NBPF15: variants seen among roughly 807,000 people sequenced by gnomAD.
NBPF15 encodes NBPF member 15.
Under a neutral mutation model 62.2 loss-of-function variants are expected in NBPF15, and 74 were observed. The observed-to-expected ratio is 1.19, with a 90% CI of 0.99 to 1.44. The LOEUF is 1.44. Among genes scored for constraint, NBPF15 ranks in the 40% most tolerant of loss-of-function variants. The pLI is 0.00. For missense variants in NBPF15, 790 were observed against 550.0 expected, an observed-to-expected ratio of 1.44 and a Z score of -4.36; for synonymous variants, 244 against 209.7, an observed-to-expected ratio of 1.16 and a Z score of -1.41.
chr1:144,423,662 T>C (rs1420975292), intron 21 of NBPF15, among the ~76,000 whole-genome samples: 5 of 151,962 alleles, frequency 3.3e-5, no homozygotes, highest in African/African-American at 1.2e-4. Context: ...GCTTTTGAAG[T>C]ATGGTCAACC....
At chr1:144,458,484 T>C (rs1649872523) in intron 3 of NBPF15, among the ~76,000 whole-genome samples, 1 of 150,602 alleles carries the variant, frequency 6.6e-6, no homozygotes, top group Non-Finnish European at 1.5e-5. Flanking sequence ...ATTTATAAAT[T>C]ATCACCTATG....
At chr1:144,440,421 G>T (rs1681898736) in intron 6 of NBPF15, 126 bp from the exon 7 acceptor site, 1 of 580,644 alleles carries the variant, frequency 1.7e-6, no homozygotes. Flanking sequence ...ACCACCAATG[G>T]GGATCATTCC....
At chr1:144,444,961 G>A (rs1365873373) in intron 6 of NBPF15, among the ~76,000 whole-genome samples, 4 of 151,756 alleles carry the variant, frequency 2.6e-5, no homozygotes, top group Admixed American at 2.0e-4. Flanking sequence ...TTTCAAAGGA[G>A]CCATACCATT....
chr1:144,423,343 G>A (rs1667100109), intron 21 of NBPF15, 87 bp from the exon 22 acceptor site: 22 of 1,608,558 alleles, frequency 1.4e-5, no homozygotes, highest in Non-Finnish European at 1.8e-5. Flanking sequence ...ATATAAGGAA[G>A]TGGTTAGAAA....
chr1:144,446,023 T>C (rs1553543960), intron 6 of NBPF15, among the ~76,000 whole-genome samples: 2 of 148,790 alleles, frequency 1.3e-5, no homozygotes, highest in African/African-American at 5.0e-5. Context: ...GCCTAGCTAA[T>C]TTTTTGTATT....
chr1:144,441,201 T>G (rs1435174762), intron 6 of NBPF15, among the ~76,000 whole-genome samples: 1 of 151,796 alleles, frequency 6.6e-6, no homozygotes, highest in East Asian at 1.9e-4. Flanking sequence ...TTCCTGGGTA[T>G]CTATAGCTAG....
At chr1:144,427,439 A>G (rs1670553600) in intron 16 of NBPF15, among the ~76,000 whole-genome samples, 1 of 148,978 alleles carries the variant, frequency 6.7e-6, no homozygotes, top group Non-Finnish European at 1.5e-5. Flanking sequence ...GCCCTGTCTC[A>G]TCAAATACTC....
chr1:144,444,736 C>T (rs1481345907), intron 6 of NBPF15, among the ~76,000 whole-genome samples: 5 of 151,748 alleles, frequency 3.3e-5, no homozygotes, highest in African/African-American at 1.2e-4. Flanking sequence ...ATTTCCAGGC[C>T]GTTTCCCTGT....
chr1:144,426,224 C>T (rs1414651195), intron 18 of NBPF15, 54 bp downstream of exon 18: 27 of 581,658 alleles, frequency 4.6e-5, no homozygotes, highest in Non-Finnish European at 7.3e-5. Flanking sequence ...AGGAATATCA[C>T]CCCTATCTGG....
Position 144,438,102 on chromosome 1 carries a change from T to A in NBPF15, c.176-55A>T, listed in dbSNP as rs1679998965. 5 of 1,594,618 alleles carry A rather than the reference T, an allele frequency of 3.1e-6. No individual in the cohort carries two copies. The East Asian group carries it at 6.7e-5, about 21-fold the overall frequency. ...TGGAAGGCTGGACATGCTGCTGTGG[T>A]CATTGCCTACAGGACAGGAGCCAGG... On this transcript the variant is annotated intron_variant, in intron 8 of 21. Coordinates refer to ENST00000581897, the MANE Select transcript of NBPF15 (RefSeq NM_001385408.1).
chr1:144,437,256 G>A (rs1679206365), intron 9 of NBPF15, 147 bp from the exon 10 acceptor site: 2 of 837,464 alleles, frequency 2.4e-6, no homozygotes, highest in Admixed American at 1.9e-5. Context: ...CTGTGGCCAA[G>A]AGAAAGAATA....
chr1:144,424,551 C>T, intron 20 of NBPF15, 139 bp downstream of exon 20: 1 of 631,332 alleles, frequency 1.6e-6, no homozygotes, highest in Non-Finnish European at 2.8e-6. Flanking sequence ...ACTAGAGTTT[C>T]ATTCAACCTA....
At position 144,461,572 on chromosome 1, in the gene NBPF15, C is replaced by G. The variant is rs1389923738; in HGVS notation, c.-1129G>C. The G allele has an allele frequency of 2.0e-5, 3 of 152,978 alleles. No individual in the cohort carries two copies. The highest frequency in any genetic ancestry group is 2.9e-5 in the Non-Finnish European group (2 of 68,788). 9.5% of individuals were successfully genotyped at this position (152,978 alleles called of 1,614,324 possible). A position where few individuals can be genotyped will look rare whatever the true frequency, so the allele number is the denominator to read the frequency against. ...GCTCACGCAGCCTCGCGACCCTCAC[C>G]TACCCCTCCCGATACCGCCGCTGTC... On this transcript the variant is annotated 5_prime_UTR_variant, in exon 1 of 22. Coordinates refer to ENST00000581897, the MANE Select transcript of NBPF15 (RefSeq NM_001385408.1).
At chr1:144,439,311 A>G (rs1351435421) in intron 8 of NBPF15, among the ~76,000 whole-genome samples, 1 of 151,862 alleles carries the variant, frequency 6.6e-6, no homozygotes, top group Admixed American at 6.6e-5. Context: ...GCTGTCACTT[A>G]TAGACAGCAC....
intron 10 of NBPF15, among the ~76,000 whole-genome samples, chr1:144,436,364 C>T (rs1191376369): frequency 5.3e-5 from 8 of 151,826 alleles, no homozygotes; most frequent in Non-Finnish European, 1.2e-4. Flanking sequence ...ACAAAACGCC[C>T]CCACATAAAG....
chr1:144,444,943 T>C (rs1388632911), intron 6 of NBPF15, among the ~76,000 whole-genome samples: 1 of 151,858 alleles, frequency 6.6e-6, no homozygotes, highest in Non-Finnish European at 1.5e-5. Context: ...TTTAAGAAAC[T>C]GTTAGATTTT....
chr1:144,431,345 A>T (rs1156230181), intron 13 of NBPF15, among the ~76,000 whole-genome samples: 1 of 149,790 alleles, frequency 6.7e-6, no homozygotes, highest in Non-Finnish European at 1.5e-5. Flanking sequence ...TTACCCACAA[A>T]GGGAAGCCCA....
At chr1:144,455,693 C>G (rs1381747749) in intron 4 of NBPF15, among the ~76,000 whole-genome samples, 2 of 151,974 alleles carry the variant, frequency 1.3e-5, no homozygotes, top group African/African-American at 4.8e-5. Context: ...CCTCCTTGCA[C>G]TGGCTCCCAC....
At chr1:144,426,524 G>A (rs1669772751) in intron 17 of NBPF15, 74 bp from the exon 18 acceptor site, 6 of 768,328 alleles carry the variant, frequency 7.8e-6, no homozygotes, top group South Asian at 6.9e-5. Context: ...AGATTTCATG[G>A]CTAACATAAG....
Sources: gnomAD v4.1 joint callset for allele counts (sites outside exome capture counted in the v4.1 genomes callset) on GRCh38, gnomAD v4.1.1 for gene constraint, MANE v1.5 for transcripts, NCBI Gene and HGNC (gene_info 2026-07-23, HGNC 2026-07-21) for gene names.